CLASP2: variants seen among roughly 807,000 people sequenced by gnomAD.
CLASP2 encodes the protein CLIP-associating protein 2.
In CLASP2, 47 loss-of-function variants were observed where a neutral mutation model predicts 194.4. That is an observed-to-expected ratio of 0.24 (90% confidence interval 0.19 to 0.31). The LOEUF is 0.31. Ranked by LOEUF, CLASP2 falls within the 10% of genes least tolerant of loss-of-function variation. The pLI is 1.00. For synonymous variants in CLASP2, 619 were observed against 633.5 expected (o/e 0.98, Z 0.34); for missense variants, 1,445 against 1,823.6 (o/e 0.79, Z 3.78).
At chr3:33,575,436 C>T (rs1415981551) in intron 24 of CLASP2, among the ~76,000 whole-genome samples, 3 of 151,830 alleles carry the variant, frequency 2.0e-5, no homozygotes, top group African/African-American at 7.3e-5. Flanking sequence ...AAAGATGAGG[C>T]CTCTTACAAG....
rs2049465716 is a variant in CLASP2 at position 33,510,631 on chromosome 3, G to A, written c.4244C>T (p.Thr1415Ile). 6.2e-7 allele frequency: 1 copy of A among 1,613,848 alleles called. No homozygotes were observed. Among genetic ancestry groups the A allele is most frequent in the Non-Finnish European group, 8.5e-7 (1 of 1,179,862 alleles). ...PINLAAIKMQ[T>I]KVIERVSKET... ...CTTGGACACTCTCTCTATCACTTTT[G>A]TTTGCATTTTGATTGCAGCCAGATT... The change falls in exon 37 of 39, where the codon ACA becomes ATA. Residue 1415 changes from threonine (T) to isoleucine (I), a missense_variant. Physicochemically the swap from Thr to Ile is moderately conservative, Grantham distance 89 (BLOSUM62 -1). Coordinates refer to ENST00000682230, the MANE Select transcript of CLASP2 (RefSeq NM_001365631.1).
chr3:33,519,276 A>C (rs566059373), intron 34 of CLASP2, among the ~76,000 whole-genome samples: 1 of 152,290 alleles, frequency 6.6e-6, no homozygotes, highest in East Asian at 1.9e-4. Context: ...ATATTCTAGA[A>C]TATTATAGTT....
At position 33,646,863 on chromosome 3, in the gene CLASP2, C is replaced by T. The variant is rs183336573; in HGVS notation, c.716-1960G>A. On this transcript the variant is annotated intron_variant, in intron 7 of 38. Coordinates refer to ENST00000682230, the MANE Select transcript of CLASP2 (RefSeq NM_001365631.1). ...TACCCTCGAGACTCCTAAAAGTCTA[C>T]ATTTACTACCAAAGCTAACTAGTCT... Among the ~76,000 whole-genome samples the T allele has an allele frequency of 5.3e-5, 8 of 152,262 alleles. No individual in the cohort carries two copies. The East Asian group carries it at 1.5e-3, about 29-fold the overall frequency.
At chr3:33,657,883 C>T (rs1160394311) in intron 7 of CLASP2, among the ~76,000 whole-genome samples, 1 of 152,054 alleles carries the variant, frequency 6.6e-6, no homozygotes, top group Non-Finnish European at 1.5e-5. Context: ...AGGGGAATTA[C>T]TTCTTAGAAG....
At chr3:33,556,540 A>G (rs1473250300) in intron 29 of CLASP2, among the ~76,000 whole-genome samples, 1 of 151,042 alleles carries the variant, frequency 6.6e-6, no homozygotes, top group Non-Finnish European at 1.5e-5. Flanking sequence ...GGTTCAAGCG[A>G]TTCTCCTGCC....
At chr3:33,673,245 C>T (rs576829795) in intron 6 of CLASP2, among the ~76,000 whole-genome samples, 19 of 152,266 alleles carry the variant, frequency 1.2e-4, no homozygotes, top group East Asian at 5.8e-4. Flanking sequence ...GCAGATGTCT[C>T]GGCAGAAACT....
chr3:33,508,734 G>T (rs897936743), intron 37 of CLASP2, among the ~76,000 whole-genome samples: 2 of 152,188 alleles, frequency 1.3e-5, no homozygotes, highest in African/African-American at 4.8e-5. Context: ...AATAGGATAG[G>T]TAGTCTATGA....
intron 6 of CLASP2, among the ~76,000 whole-genome samples, chr3:33,670,292 G>A (rs1233963816): frequency 6.6e-6 from 1 of 152,180 alleles, no homozygotes; most frequent in Non-Finnish European, 1.5e-5. Flanking sequence ...AGGATTTGAA[G>A]TGGCTTCTGG....
At chr3:33,565,977 T>C (rs896780067) in intron 27 of CLASP2, among the ~76,000 whole-genome samples, 2 of 152,180 alleles carry the variant, frequency 1.3e-5, no homozygotes, top group African/African-American at 4.8e-5. Context: ...GGCGTCTGTG[T>C]CCCTCTCTAA....
chr3:33,712,284 A>G (rs957733173), intron 1 of CLASP2, among the ~76,000 whole-genome samples: 1 of 152,204 alleles, frequency 6.6e-6, no homozygotes, highest in Non-Finnish European at 1.5e-5. Flanking sequence ...GTTCTCACTT[A>G]TAAGTTAGGA....
chr3:33,704,735 A>T (rs1307825041), intron 1 of CLASP2, among the ~76,000 whole-genome samples: 1 of 151,900 alleles, frequency 6.6e-6, no homozygotes, highest in Non-Finnish European at 1.5e-5. Context: ...CTTGGGTGAC[A>T]GATGGAGACG....
intron 8 of CLASP2, among the ~76,000 whole-genome samples, chr3:33,643,815 A>G (rs984669919): frequency 1.2e-4 from 18 of 152,044 alleles, no homozygotes; most frequent in Admixed American, 3.9e-4. Context: ...CAAAATATAC[A>G]GTTTATTTTT....
At chr3:33,705,872 T>C (rs2092654355) in intron 1 of CLASP2, among the ~76,000 whole-genome samples, 1 of 152,108 alleles carries the variant, frequency 6.6e-6, no homozygotes, top group Admixed American at 6.5e-5. Flanking sequence ...CACAGTATAC[T>C]GTTAAGTGAA....
At chr3:33,540,416 T>G (rs1433634718) in intron 32 of CLASP2, among the ~76,000 whole-genome samples, 1 of 151,826 alleles carries the variant, frequency 6.6e-6, no homozygotes, top group African/African-American at 2.4e-5. Flanking sequence ...TAAAAAAATT[T>G]TTTTTTGTAG....
chr3:33,627,722 A>C (rs968462349), intron 9 of CLASP2, among the ~76,000 whole-genome samples: 10 of 152,166 alleles, frequency 6.6e-5, no homozygotes, highest in African/African-American at 1.9e-4. Context: ...AAATGACATC[A>C]AATATGAAAC....
chr3:33,600,016 A>C (rs1394669979), intron 18 of CLASP2, among the ~76,000 whole-genome samples: 1 of 152,180 alleles, frequency 6.6e-6, no homozygotes, highest in African/African-American at 2.4e-5. Context: ...AAGCACTTTA[A>C]ATACAGTATT....
At chr3:33,614,928 T>C (rs1366262873) in intron 12 of CLASP2, among the ~76,000 whole-genome samples, 1 of 151,664 alleles carries the variant, frequency 6.6e-6, no homozygotes, top group Non-Finnish European at 1.5e-5. Flanking sequence ...GAGGTAGAGG[T>C]TGCAGTGGGT....
At chr3:33,604,938 C>G (rs1290173378) in intron 16 of CLASP2, among the ~76,000 whole-genome samples, 1 of 152,190 alleles carries the variant, frequency 6.6e-6, no homozygotes, top group Non-Finnish European at 1.5e-5. Context: ...CCTCTCTCAC[C>G]TAAGTTGTAA....
chr3:33,578,339 C>A (rs2065324708), intron 23 of CLASP2, among the ~76,000 whole-genome samples: 1 of 152,122 alleles, frequency 6.6e-6, no homozygotes, highest in Non-Finnish European at 1.5e-5. Flanking sequence ...GCTCTAAAAT[C>A]TAAATTTAGC....
Sources: gnomAD v4.1 joint callset for allele counts (sites outside exome capture counted in the v4.1 genomes callset) on GRCh38, gnomAD v4.1.1 for gene constraint, MANE v1.5 for transcripts, NCBI Gene and HGNC (gene_info 2026-07-23, HGNC 2026-07-21) for gene names.